The following TDP1 variants were observed in gnomAD, a reference collection of about 807,000 sequenced individuals.
TDP1 encodes the protein tyrosyl-DNA phosphodiesterase 1.
In TDP1, 64 loss-of-function variants were observed where a neutral mutation model predicts 81.5. That is an observed-to-expected ratio of 0.79 (90% CI 0.64 to 0.97). The LOEUF (loss-of-function observed/expected upper bound fraction) is 0.97, where lower values mean the gene tolerates loss of function less well. Ranked by LOEUF, TDP1 falls within the 50% of genes least tolerant of loss-of-function variation. TDP1 has a pLI of 0.00. For synonymous variants in TDP1, 256 were observed against 264.3 expected (o/e 0.97, Z 0.30); for missense variants, 723 against 743.8 (o/e 0.97, Z 0.33).
rs1256610154 is a variant in TDP1, at chr14:89,957,646, A to C, written c.-8+846A>C. ...TAGTGGGGAGTGAGGAAACACTAGT[A>C]GCTCTAAATGGAGTACCCTTTTATA... On this transcript the variant is annotated intron_variant, in intron 2 of 16. Transcript: ENST00000335725. 2.6e-5 allele frequency among the ~76,000 whole-genome samples: 4 copies of C among 152,240 alleles called. No individual in the cohort carries two copies. The East Asian group carries it at 7.7e-4, about 29-fold the overall frequency.
At position 89,968,160 on chromosome 14, in the gene TDP1, CTTT is replaced by C. The variant is rs61587248; in HGVS notation, c.659+752_659+754del. ...TTTCAAGCAGCTTTGGCACTTGGGG[CTTT>C]TTTTTTTTTTTTTGACCTGTAACAC... On this transcript the variant is annotated intron_variant, in intron 5 of 16. Transcript: ENST00000335725. Among the ~76,000 whole-genome samples, 366 of 127,754 alleles carry C rather than the reference CTTT, an allele frequency of 2.9e-3. 1 individual carries two copies. The highest frequency in any genetic ancestry group is 9.0e-3 in the African/African-American group (333 of 36,796). The allele number at this position is 127,754 out of a possible 152,430, so 83.8% of individuals were successfully genotyped here.
intron 7 of TDP1, among the ~76,000 whole-genome samples, chr14:89,977,524 C>G (rs1207174160): frequency 6.6e-6 from 1 of 152,200 alleles, no homozygotes; most frequent in East Asian, 1.9e-4. Context: ...TCTCGAACTC[C>G]TGACCTCAGG....
At chr14:90,004,051 C>T (rs1460094152) in intron 14 of TDP1, among the ~76,000 whole-genome samples, 2 of 152,126 alleles carry the variant, frequency 1.3e-5, no homozygotes, top group Non-Finnish European at 2.9e-5. Flanking sequence ...TGGTATGCTT[C>T]ATGTGCTTTG....
intron 3 of TDP1, chr14:89,964,985 C>A: frequency 3.8e-6 from 1 of 260,708 alleles, no homozygotes; most frequent in South Asian, 3.5e-5. Flanking sequence ...CTATAGCACT[C>A]TACCATGTGC....
chr14:90,008,382 C>A (rs1448842089), intron 14 of TDP1, among the ~76,000 whole-genome samples: 1 of 152,090 alleles, frequency 6.6e-6, no homozygotes, highest in East Asian at 1.9e-4. Context: ...GTTTTTAATT[C>A]TAGTGACTGT....
At chr14:89,969,876 C>CTTTTTTTTTT (rs5810477) in intron 5 of TDP1, among the ~76,000 whole-genome samples, 2 of 122,852 alleles carry the variant, frequency 1.6e-5, no homozygotes, top group Non-Finnish European at 1.6e-5. Flanking sequence ...ATACTTATTT[C>CTTTTTTTTTT]TTTTTTTTTT....
chr14:90,023,847 T>A (rs1326899043), intron 15 of TDP1, among the ~76,000 whole-genome samples: 1 of 152,160 alleles, frequency 6.6e-6, no homozygotes, highest in Non-Finnish European at 1.5e-5. Context: ...GACTTGTTAA[T>A]TTTTCTGTAG....
At chr14:89,958,607 T>TA (rs1415101568) in intron 2 of TDP1, among the ~76,000 whole-genome samples, 2 of 152,088 alleles carry the variant, frequency 1.3e-5, no homozygotes, top group African/African-American at 4.8e-5. Context: ...CATGACAATG[T>TA]AAAAAACCAA....
At chr14:89,989,621 A>AT in intron 11 of TDP1, 96 bp from the exon 12 acceptor site, 1 of 1,207,510 alleles carries the variant, frequency 8.3e-7, no homozygotes, top group Non-Finnish European at 1.2e-6. Context: ...ATTTAAAAGT[A>AT]TTTTTAACAG....
chr14:90,036,972 C>G (rs34235518), intron 16 of TDP1, among the ~76,000 whole-genome samples: 6,445 of 152,116 alleles, frequency 0.042, 171 homozygotes, highest in Non-Finnish European at 0.064. Context: ...TCATGCCCAG[C>G]TAATTTTTAA....
chr14:90,013,905 C>G (rs1425583391), intron 14 of TDP1, among the ~76,000 whole-genome samples: 4 of 152,090 alleles, frequency 2.6e-5, no homozygotes, highest in Admixed American at 1.3e-4. Flanking sequence ...CTTGTTCCCC[C>G]TTGCCTTCTG....
chr14:90,030,782 T>C (rs1887187392), intron 15 of TDP1, among the ~76,000 whole-genome samples: 1 of 152,034 alleles, frequency 6.6e-6, no homozygotes, highest in Non-Finnish European at 1.5e-5. Flanking sequence ...TTTTTTTTTT[T>C]TGAGATGGAG....
At chr14:89,983,972 A>G (rs1015574875) in intron 8 of TDP1, 1 of 225,456 alleles carries the variant, frequency 4.4e-6, no homozygotes, top group African/African-American at 2.3e-5. Flanking sequence ...ATATGCTGCT[A>G]TAGGACCTAC....
chr14:90,011,350 C>T (rs1346770899), intron 14 of TDP1, among the ~76,000 whole-genome samples: 1 of 152,106 alleles, frequency 6.6e-6, no homozygotes, highest in Non-Finnish European at 1.5e-5. Flanking sequence ...GACTTTGGAA[C>T]TGGGTAACAG....
intron 16 of TDP1, chr14:90,033,505 G>T (rs1887519838): frequency 4.8e-6 from 2 of 414,440 alleles, no homozygotes; most frequent in African/African-American, 2.0e-5. Flanking sequence ...TGCATTTAAT[G>T]CGTCAAATCT....
At chr14:89,958,788 G>T (rs1891977035) in intron 2 of TDP1, among the ~76,000 whole-genome samples, 1 of 152,164 alleles carries the variant, frequency 6.6e-6, no homozygotes, top group African/African-American at 2.4e-5. Context: ...TTTCACTGGG[G>T]CCCTGCCCCT....
rs73326407 is a variant in TDP1 at position 89,982,468 on chromosome 14, A to G, written c.884+1836A>G. 3.9e-3 allele frequency among the ~76,000 whole-genome samples: 594 copies of G among 152,246 alleles called. 2 individuals are homozygous for G. Among genetic ancestry groups the G allele is most frequent in the African/African-American group, 0.014 (565 of 41,554 alleles). On this transcript the variant is annotated intron_variant, in intron 8 of 16. Coordinates refer to ENST00000335725, the MANE Select transcript of TDP1 (RefSeq NM_018319.4). ...TAATGTAGCTTGTTCTCATGAAACA[A>G]TGTTACTAAAGGGATTTCTCAGGTT...
At chr14:90,001,474 A>G (rs1189585694) in intron 14 of TDP1, among the ~76,000 whole-genome samples, 2 of 152,194 alleles carry the variant, frequency 1.3e-5, no homozygotes, top group African/African-American at 2.4e-5. Flanking sequence ...TACTGTAGAG[A>G]AAAAATGAGT....
intron 16 of TDP1, among the ~76,000 whole-genome samples, chr14:90,042,477 C>T (rs1566937137): frequency 6.6e-6 from 1 of 152,192 alleles, no homozygotes; most frequent in African/African-American, 2.4e-5. Flanking sequence ...GGATTTGCCC[C>T]TGTGTCTCTG....
Sources: allele counts gnomAD v4.1 joint callset (sites outside exome capture counted in the v4.1 genomes callset), GRCh38; gene constraint gnomAD v4.1.1; transcripts MANE v1.5; gene names NCBI Gene and HGNC (gene_info 2026-07-23, HGNC 2026-07-21).